The following ME3 variants were observed in gnomAD, a reference collection of about 807,000 sequenced individuals.
ME3 encodes NADP-dependent malic enzyme, mitochondrial.
ME3 carries 48 observed loss-of-function variants against 68.9 expected under a neutral mutation model. The observed-to-expected ratio is 0.70, with a 90% CI of 0.55 to 0.89. ME3 has a LOEUF of 0.89. Among genes scored for constraint, ME3 ranks in the 40% least tolerant of loss-of-function variants. ME3 has a pLI of 0.00. For missense variants in ME3, 675 were observed against 797.4 expected (o/e 0.85, Z 1.85); for synonymous variants, 320 against 318.8 (o/e 1.00, Z -0.04).
chr11:86,439,929 T>C (rs75296751), downstream of ME3, among the ~76,000 whole-genome samples: 623 of 152,254 alleles, frequency 4.1e-3, 5 homozygotes, highest in African/African-American at 0.014. Flanking sequence ...AGTTTTTCAT[T>C]CTCTATGATC....
At chr11:86,593,403 T>C (rs1188494489) in intron 2 of ME3, among the ~76,000 whole-genome samples, 2 of 146,780 alleles carry the variant, frequency 1.4e-5, no homozygotes, top group African/African-American at 2.5e-5. Flanking sequence ...CAGCAACAGC[T>C]ATCATTTCCT....
intron 4 of ME3, among the ~76,000 whole-genome samples, chr11:86,509,084 G>A (rs1053752642): frequency 2.0e-5 from 3 of 152,194 alleles, no homozygotes; most frequent in Non-Finnish European, 2.9e-5. Context: ...GCCATGGGGT[G>A]TGCCCACATG....
downstream of ME3, chr11:86,437,264 C>A (rs543281501): frequency 2.6e-5 from 4 of 152,088 alleles, no homozygotes; most frequent in Non-Finnish European, 5.9e-5. Context: ...GAATAGTATT[C>A]CATTGCACAT....
At chr11:86,440,233 T>C (rs1292450265), downstream of ME3, among the ~76,000 whole-genome samples, 4 of 152,210 alleles carry the variant, frequency 2.6e-5, no homozygotes, top group African/African-American at 7.2e-5. Flanking sequence ...GAAGCTGCCA[T>C]CTCCACATGT....
At chr11:86,528,461 A>T (rs1361009178) in intron 4 of ME3, among the ~76,000 whole-genome samples, 2 of 152,162 alleles carry the variant, frequency 1.3e-5, no homozygotes, top group African/African-American at 4.8e-5. Flanking sequence ...ACAGAAAGTT[A>T]ACAAGGATAC....
At chr11:86,452,527 A>C (rs575564776) in intron 8 of ME3, among the ~76,000 whole-genome samples, 30 of 152,210 alleles carry the variant, frequency 2.0e-4, no homozygotes, top group African/African-American at 6.3e-4. Context: ...GGGTCACTCT[A>C]CTGGGTAAAG....
intron 2 of ME3, 33 bp downstream of exon 2, chr11:86,671,729 C>CT (rs1463625539): frequency 1.3e-6 from 2 of 1,592,340 alleles, no homozygotes; most frequent in African/African-American, 2.8e-5. Flanking sequence ...CACGGGATCG[C>CT]AACGCGGGCC....
Position 86,560,748 on chromosome 11 carries a change from G to GTGTATGTGTATATATATATATATATA in ME3, c.184-926_184-925insTATATATATATATATATACACATACA, listed in dbSNP as rs1243025217. 4.8e-3 allele frequency among the ~76,000 whole-genome samples: 297 copies of GTGTATGTGTATATATATATATATATA among 62,446 alleles called. 7 individuals carry two copies. Among genetic ancestry groups the GTGTATGTGTATATATATATATATATA allele is most frequent in the East Asian group, 0.023 (34 of 1,480 alleles). The allele number at this position is 62,446 out of a possible 152,430, so 41.0% of individuals were successfully genotyped here. A position where few individuals can be genotyped will look rare whatever the true frequency, so the allele number is the denominator to read the frequency against. On this transcript the variant is annotated intron_variant, in intron 2 of 14. Transcript: ENST00000543262. ...TGTATGTGTGTGTGTGTGTGTGTGT[G>GTGTATGTGTATATATATATATATATA]TATATATATATATATATATATATAT...
chr11:86,630,393 T>C (rs903023075), intron 2 of ME3, among the ~76,000 whole-genome samples: 2 of 152,078 alleles, frequency 1.3e-5, no homozygotes, highest in African/African-American at 4.8e-5. Context: ...GTGGGTTTGG[T>C]CTCCAGAGCC....
intron 5 of ME3, among the ~76,000 whole-genome samples, chr11:86,503,800 C>T (rs1028098278): frequency 2.0e-5 from 3 of 152,184 alleles, no homozygotes; most frequent in African/African-American, 7.2e-5. Context: ...CTCTCAGAAC[C>T]TCCTCCTGCG....
chr11:86,517,594 CT>C (rs1398064350), intron 4 of ME3, among the ~76,000 whole-genome samples: 4 of 152,116 alleles, frequency 2.6e-5, no homozygotes, highest in Non-Finnish European at 5.9e-5. Context: ...TTTTGAGGGA[CT>C]TTGCACTGCT....
chr11:86,638,880 C>T (rs970676691), intron 2 of ME3, among the ~76,000 whole-genome samples: 15 of 152,122 alleles, frequency 9.9e-5, no homozygotes, highest in African/African-American at 3.6e-4. Flanking sequence ...CCACTTTACT[C>T]CCCCGACTTG....
chr11:86,640,151 G>A (rs1469837642), intron 2 of ME3, among the ~76,000 whole-genome samples: 1 of 152,194 alleles, frequency 6.6e-6, no homozygotes, highest in Non-Finnish European at 1.5e-5. Flanking sequence ...AGGAAGCGGA[G>A]ACAACAAAAA....
chr11:86,638,560 T>A (rs1320075558), intron 2 of ME3, among the ~76,000 whole-genome samples: 1 of 152,150 alleles, frequency 6.6e-6, no homozygotes, highest in Non-Finnish European at 1.5e-5. Flanking sequence ...GGATGACACA[T>A]TATCTTTCAA....
At chr11:86,540,372 T>C (rs1174892899) in intron 4 of ME3, among the ~76,000 whole-genome samples, 1 of 152,220 alleles carries the variant, frequency 6.6e-6, no homozygotes, top group East Asian at 1.9e-4. Context: ...TCTTACATGT[T>C]AGCCCTGTAT....
intron 2 of ME3, among the ~76,000 whole-genome samples, chr11:86,634,496 A>G (rs1202999470): frequency 6.6e-6 from 1 of 152,188 alleles, no homozygotes; most frequent in East Asian, 1.9e-4. Flanking sequence ...CGCTCAGCTT[A>G]CCTGTGTCTC....
chr11:86,636,832 T>G (rs1411055467), intron 2 of ME3, among the ~76,000 whole-genome samples: 1 of 152,208 alleles, frequency 6.6e-6, no homozygotes, highest in Non-Finnish European at 1.5e-5. Flanking sequence ...TACATGAAGG[T>G]GTTCCTAAGA....
chr11:86,438,844 TTC>T (rs572222854), downstream of ME3, among the ~76,000 whole-genome samples: 128 of 151,456 alleles, frequency 8.5e-4, no homozygotes, highest in Middle Eastern at 3.4e-3. Context: ...AATAAGATCT[TTC>T]TCTCTCTCTC....
chr11:86,538,815 T>C (rs560223352), intron 4 of ME3, among the ~76,000 whole-genome samples: 1 of 152,320 alleles, frequency 6.6e-6, no homozygotes, highest in African/African-American at 2.4e-5. Context: ...CTCCTCACTT[T>C]GCCCTACATC....
Sources: allele counts gnomAD v4.1 joint callset (sites outside exome capture counted in the v4.1 genomes callset), GRCh38; gene constraint gnomAD v4.1.1; transcripts MANE v1.5; gene names NCBI Gene and HGNC (gene_info 2026-07-23, HGNC 2026-07-21).